The following TAFA2 variants were observed in gnomAD, a reference collection of about 807,000 sequenced individuals.
TAFA2 encodes the protein TAFA chemokine like family member 2.
Under a neutral mutation model 18.8 loss-of-function variants are expected in TAFA2, and 7 were observed. That is an observed-to-expected ratio of 0.37 (90% confidence interval 0.21 to 0.70). The LOEUF (loss-of-function observed/expected upper bound fraction) is 0.70, where lower values mean the gene tolerates loss of function less well. TAFA2 is among the 30% of genes least tolerant of loss of function. TAFA2 has a pLI of 0.53. For synonymous variants in TAFA2, 60 were observed against 54.2 expected, an observed-to-expected ratio of 1.11 and a Z score of -0.47; for missense variants, 122 against 158.1, an observed-to-expected ratio of 0.77 and a Z score of 1.23.
upstream of TAFA2, among the ~76,000 whole-genome samples, chr12:62,194,876 T>C (rs2062642638): frequency 6.6e-6 from 1 of 152,226 alleles, no homozygotes; most frequent in Non-Finnish European, 1.5e-5. Context: ...GTTTACACCA[T>C]ACTGCAGTCC....
upstream of TAFA2, among the ~76,000 whole-genome samples, chr12:62,193,165 T>C (rs778935066): frequency 6.6e-5 from 10 of 152,310 alleles, no homozygotes; most frequent in Middle Eastern, 6.8e-3. Flanking sequence ...TCGATCATGT[T>C]TGGAGATGAG....
At chr12:62,219,567 A>G (rs922437159) in intron 1 of TAFA2, among the ~76,000 whole-genome samples, 8 of 152,184 alleles carry the variant, frequency 5.3e-5, no homozygotes, top group Non-Finnish European at 1.0e-4. Context: ...AACCTTTGAA[A>G]TTGGGTGTTT....
At chr12:61,758,549 A>G (rs1869382481) in intron 2 of TAFA2, among the ~76,000 whole-genome samples, 1 of 151,956 alleles carries the variant, frequency 6.6e-6, no homozygotes, top group African/African-American at 2.4e-5. Flanking sequence ...TGGTGAGAAG[A>G]TAAGGTAGTT....
intron 1 of TAFA2, among the ~76,000 whole-genome samples, chr12:62,129,727 G>A (rs1870606621): frequency 6.6e-6 from 1 of 151,994 alleles, no homozygotes; most frequent in Admixed American, 6.6e-5. Flanking sequence ...TTAGTGCACA[G>A]TAGGATGCTT....
intron 1 of TAFA2, among the ~76,000 whole-genome samples, chr12:62,153,478 C>T (rs1592369564): frequency 6.6e-6 from 1 of 152,150 alleles, no homozygotes; most frequent in Non-Finnish European, 1.5e-5. Flanking sequence ...GTCTGGGCAA[C>T]AGAGCAAGAC....
In TAFA2 at chr12:61,977,479, C is replaced by A. The variant is rs571003145; in HGVS notation, c.-1-110053G>T. 2.8e-4 allele frequency among the ~76,000 whole-genome samples: 43 copies of A among 152,152 alleles called. 2 individuals carry two copies. The South Asian group carries it at 7.5e-3, about 26-fold the overall frequency. On this transcript the variant is annotated intron_variant, in intron 1 of 4. Transcript: ENST00000416284. The stretch of plus-strand genomic sequence containing the variant: ...TTTGACCTTGTTTGCCAAGTGTGCA[C>A]TGAATGTCATGGCTTCCATTGCTAA...
At chr12:61,932,870 A>G (rs966292972) in intron 1 of TAFA2, among the ~76,000 whole-genome samples, 1 of 152,130 alleles carries the variant, frequency 6.6e-6, no homozygotes, top group African/African-American at 2.4e-5. Context: ...CAGAGAGTTG[A>G]TTCCTTAATA....
At chr12:62,218,859 T>G (rs891048275) in intron 1 of TAFA2, among the ~76,000 whole-genome samples, 3 of 152,186 alleles carry the variant, frequency 2.0e-5, no homozygotes, top group Admixed American at 1.3e-4. Context: ...AAAGATATTC[T>G]GAAGGACATT....
intron 1 of TAFA2, among the ~76,000 whole-genome samples, chr12:61,996,210 G>T (rs981081289): frequency 6.6e-6 from 1 of 152,024 alleles, no homozygotes; most frequent in South Asian, 2.1e-4. Flanking sequence ...TAATCAAAAA[G>T]AAAAATGCCT....
chr12:61,800,732 A>G (rs1204693631), intron 2 of TAFA2, among the ~76,000 whole-genome samples: 1 of 152,196 alleles, frequency 6.6e-6, no homozygotes, highest in African/African-American at 2.4e-5. Context: ...TTGGAGAAGG[A>G]GATAGGTAGG....
At chr12:62,221,663 AT>A (rs2062763516) in intron 1 of TAFA2, among the ~76,000 whole-genome samples, 1 of 152,190 alleles carries the variant, frequency 6.6e-6, no homozygotes, top group African/African-American at 2.4e-5. Context: ...CCTCTCATTG[AT>A]TCATGAGAAT....
intron 2 of TAFA2, among the ~76,000 whole-genome samples, chr12:61,843,348 A>G (rs909009085): frequency 1.3e-5 from 2 of 152,056 alleles, no homozygotes; most frequent in African/African-American, 4.8e-5. Flanking sequence ...GATATTGGAA[A>G]AAAAACTGCA....
At chr12:61,841,084 A>G (rs191636657) in intron 2 of TAFA2, among the ~76,000 whole-genome samples, 23 of 152,072 alleles carry the variant, frequency 1.5e-4, no homozygotes, top group Admixed American at 9.8e-4. Flanking sequence ...AGGAGGCAAT[A>G]CTAGCAAGAG....
chr12:62,072,588 C>T (rs1882660218), intron 1 of TAFA2, among the ~76,000 whole-genome samples: 1 of 151,944 alleles, frequency 6.6e-6, no homozygotes, highest in Non-Finnish European at 1.5e-5. Flanking sequence ...CAAGACCAAC[C>T]TGGGCAACAT....
At chr12:61,883,449 T>C (rs1239185083) in intron 1 of TAFA2, among the ~76,000 whole-genome samples, 3 of 152,206 alleles carry the variant, frequency 2.0e-5, no homozygotes, top group Non-Finnish European at 2.9e-5. Context: ...ACATGGTATA[T>C]TCATCCAAAA....
chr12:62,003,241 C>T (rs1288908520), intron 1 of TAFA2, among the ~76,000 whole-genome samples: 1 of 152,118 alleles, frequency 6.6e-6, no homozygotes, highest in Non-Finnish European at 1.5e-5. Flanking sequence ...TCTCAAGTGG[C>T]TTCCATCTCA....
At chr12:61,769,077 C>A (rs1869914323) in intron 2 of TAFA2, among the ~76,000 whole-genome samples, 1 of 151,902 alleles carries the variant, frequency 6.6e-6, no homozygotes, top group South Asian at 2.1e-4. Flanking sequence ...AGCTTTCCCC[C>A]ACTTCCCCAC....
chr12:61,979,391 C>T (rs1879551427), intron 1 of TAFA2, among the ~76,000 whole-genome samples: 1 of 152,078 alleles, frequency 6.6e-6, no homozygotes, highest in Non-Finnish European at 1.5e-5. Flanking sequence ...AGAAGCACAT[C>T]TCAAAGGCTA....
intron 2 of TAFA2, among the ~76,000 whole-genome samples, chr12:61,783,830 A>C (rs1024899133): frequency 2.6e-5 from 4 of 151,604 alleles, no homozygotes; most frequent in African/African-American, 7.3e-5. Flanking sequence ...TAATTCTATT[A>C]AGAAGGATAA....
Sources: gnomAD v4.1 joint callset for allele counts (sites outside exome capture counted in the v4.1 genomes callset) on GRCh38, gnomAD v4.1.1 for gene constraint, MANE v1.5 for transcripts, NCBI Gene and HGNC (gene_info 2026-07-23, HGNC 2026-07-21) for gene names.